PKIG: variants seen among roughly 807,000 people sequenced by gnomAD.
PKIG encodes protein kinase (cAMP-dependent, catalytic) inhibitor gamma.
In PKIG, 1 loss-of-function variant was observed where a neutral mutation model predicts 6.8. The ratio of observed to expected loss-of-function variants is 0.15; its 90% CI spans 0.05 to 0.69. The LOEUF (loss-of-function observed/expected upper bound fraction) is 0.69, where lower values mean the gene tolerates loss of function less well. Ranked by LOEUF, PKIG falls within the 30% of genes least tolerant of loss-of-function variation. PKIG has a pLI of 0.82. For synonymous variants in PKIG, 39 were observed against 43.0 expected, an observed-to-expected ratio of 0.91 and a Z score of 0.36; for missense variants, 77 against 104.0, an observed-to-expected ratio of 0.74 and a Z score of 1.13.
chr20:44,552,067 T>A (rs2064673631), intron 1 of PKIG, among the ~76,000 whole-genome samples: 2 of 152,364 alleles, frequency 1.3e-5, no homozygotes, highest in Middle Eastern at 6.8e-3. Context: ...AGAATCTGTT[T>A]CTTCTAGCTT....
intron 2 of PKIG, among the ~76,000 whole-genome samples, chr20:44,590,094 A>G (rs1453463262): frequency 1.3e-5 from 2 of 151,832 alleles, no homozygotes. Flanking sequence ...TTTTTTTAAT[A>G]GCATCAGAAA....
rs1309976340 is a variant in PKIG, at chr20:44,618,526, G to GA, written c.*165dup. ...GAGGCCTCTGTGGCCTCCACTCCGG[G>GA]AAAGCCCTCTGCCCACACCCACAGG... On this transcript the variant is annotated 3_prime_UTR_variant, in exon 4 of 4. Transcript: ENST00000372886. The GA allele has an allele frequency of 1.7e-6, 1 of 598,076 alleles. No individual in the cohort carries two copies. The highest frequency in any genetic ancestry group is 3.0e-6 in the Non-Finnish European group (1 of 333,090). 37.0% of individuals were successfully genotyped at this position (598,076 alleles called of 1,614,324 possible).
intron 2 of PKIG, among the ~76,000 whole-genome samples, chr20:44,602,514 A>C (rs73615495): frequency 0.012 from 1,761 of 152,266 alleles, 17 homozygotes; most frequent in East Asian, 0.065. Flanking sequence ...CAGTACATTG[A>C]ATGAATAAAT....
intron 2 of PKIG, among the ~76,000 whole-genome samples, chr20:44,602,820 G>A (rs957863984): frequency 4.1e-5 from 6 of 146,236 alleles, no homozygotes; most frequent in Admixed American, 7.0e-5. Flanking sequence ...CAACCTGGGC[G>A]ACAGAGTAAG....
At chr20:44,597,076 C>G (rs2065081380) in intron 2 of PKIG, among the ~76,000 whole-genome samples, 3 of 152,270 alleles carry the variant, frequency 2.0e-5, no homozygotes, top group East Asian at 3.9e-4. Flanking sequence ...TTCTAAACTC[C>G]TCTCTCTCAT....
At chr20:44,597,082 C>T (rs1452691825) in intron 2 of PKIG, among the ~76,000 whole-genome samples, 1 of 152,174 alleles carries the variant, frequency 6.6e-6, no homozygotes, top group African/African-American at 2.4e-5. Flanking sequence ...ACTCCTCTCT[C>T]TCATCATGTG....
At chr20:44,586,966 T>G (rs1490143132) in intron 1 of PKIG, among the ~76,000 whole-genome samples, 1 of 152,262 alleles carries the variant, frequency 6.6e-6, no homozygotes, top group Non-Finnish European at 1.5e-5. Flanking sequence ...TCTTCAGAAC[T>G]GAATAATGGC....
chr20:44,612,397 G>A (rs578153671), intron 2 of PKIG, among the ~76,000 whole-genome samples: 7 of 151,870 alleles, frequency 4.6e-5, no homozygotes, highest in Admixed American at 2.6e-4. Flanking sequence ...TGGGCCCATG[G>A]GCCCACCCCA....
At chr20:44,590,591 C>T (rs1223704139) in intron 2 of PKIG, among the ~76,000 whole-genome samples, 4 of 152,178 alleles carry the variant, frequency 2.6e-5, no homozygotes, top group Non-Finnish European at 5.9e-5. Context: ...TTTGAATTGT[C>T]AAGTTGGAAG....
chr20:44,594,951 T>C (rs1487115574), intron 2 of PKIG, among the ~76,000 whole-genome samples: 3 of 152,202 alleles, frequency 2.0e-5, no homozygotes, highest in African/African-American at 7.2e-5. Flanking sequence ...AAGCCACCCA[T>C]CTTGTGACCT....
intron 1 of PKIG, among the ~76,000 whole-genome samples, chr20:44,558,574 TTTTC>T (rs11377687): frequency 0.045 from 5,952 of 131,898 alleles, 133 homozygotes; most frequent in Middle Eastern, 0.056. Context: ...TTTTTTTCTT[TTTTC>T]TTTCTTTCTT....
intron 1 of PKIG, among the ~76,000 whole-genome samples, chr20:44,577,056 C>A (rs2064904834): frequency 6.6e-6 from 1 of 152,028 alleles, no homozygotes; most frequent in African/African-American, 2.4e-5. Context: ...GGGTTTGATT[C>A]CCCATCCCCC....
intron 2 of PKIG, among the ~76,000 whole-genome samples, chr20:44,604,827 G>A (rs2065150108): frequency 2.0e-5 from 3 of 152,158 alleles, no homozygotes; most frequent in Admixed American, 6.5e-5. Flanking sequence ...CTGACCTTGT[G>A]GGAGAGGAAT....
At chr20:44,534,518 G>C (rs2064495429) in intron 1 of PKIG, among the ~76,000 whole-genome samples, 1 of 151,422 alleles carries the variant, frequency 6.6e-6, no homozygotes, top group Non-Finnish European at 1.5e-5. Context: ...GCCCATGCTG[G>C]AGTGTAGTGG....
intron 2 of PKIG, among the ~76,000 whole-genome samples, chr20:44,607,228 A>G (rs538665787): frequency 3.3e-5 from 5 of 152,010 alleles, no homozygotes; most frequent in Admixed American, 2.6e-4. Flanking sequence ...AAAAGGAACA[A>G]TTTAGTTATT....
intron 2 of PKIG, among the ~76,000 whole-genome samples, chr20:44,607,685 A>ATT (rs146383327): frequency 5.8e-5 from 7 of 120,714 alleles, no homozygotes; most frequent in Admixed American, 1.7e-4. Flanking sequence ...TGGAAAATAA[A>ATT]TTTTTTTTTT....
chr20:44,557,521 A>C (rs1461567138), intron 1 of PKIG, among the ~76,000 whole-genome samples: 127 of 78,042 alleles, frequency 1.6e-3, no homozygotes, highest in Non-Finnish European at 2.3e-3. Flanking sequence ...GACAGGTGAC[A>C]AAAAAAAAAA....
At chr20:44,543,181 G>T (rs1418232908) in intron 1 of PKIG, among the ~76,000 whole-genome samples, 1 of 152,118 alleles carries the variant, frequency 6.6e-6, no homozygotes, top group Non-Finnish European at 1.5e-5. Flanking sequence ...TATTATGAGA[G>T]TTCCTTGTTT....
intron 1 of PKIG, among the ~76,000 whole-genome samples, chr20:44,541,851 G>A (rs1429506167): frequency 1.3e-5 from 2 of 151,876 alleles, no homozygotes; most frequent in Admixed American, 1.3e-4. Flanking sequence ...ACCATGCCCG[G>A]CTAATTTTTG....
Sources: gnomAD v4.1 joint callset for allele counts (sites outside exome capture counted in the v4.1 genomes callset) on GRCh38, gnomAD v4.1.1 for gene constraint, MANE v1.5 for transcripts, NCBI Gene and HGNC (gene_info 2026-07-23, HGNC 2026-07-21) for gene names.